LHPP: variants seen among roughly 807,000 people sequenced by gnomAD.
LHPP encodes hLHPP.
Under a neutral mutation model 30.3 loss-of-function variants are expected in LHPP, and 24 were observed. The ratio of observed to expected loss-of-function variants is 0.79; its 90% confidence interval spans 0.57 to 1.11. The LOEUF (loss-of-function observed/expected upper bound fraction) is 1.11, where lower values mean the gene tolerates loss of function less well. LHPP is among the 50% of genes most tolerant of loss of function. The pLI is 0.00. For missense variants in LHPP, 356 were observed against 367.2 expected, an observed-to-expected ratio of 0.97 and a Z score of 0.25; for synonymous variants, 150 against 157.1, an observed-to-expected ratio of 0.95 and a Z score of 0.34.
chr10:124,608,366 C>G (rs1417410373), intron 6 of LHPP, among the ~76,000 whole-genome samples: 6 of 152,156 alleles, frequency 3.9e-5, no homozygotes, highest in Non-Finnish European at 8.8e-5. Context: ...ACGGTGCATT[C>G]CCTGGACAGG....
chr10:124,580,712 TTTTTTTTTC>T (rs1330573424), intron 6 of LHPP, among the ~76,000 whole-genome samples: 10,716 of 79,418 alleles, frequency 0.13, 410 homozygotes, highest in South Asian at 0.3. Flanking sequence ...ACATTTTCTT[TTTTTTTTTC>T]TTTTTTTTTT....
At chr10:124,605,678 C>T (rs1949082565) in intron 6 of LHPP, among the ~76,000 whole-genome samples, 1 of 152,076 alleles carries the variant, frequency 6.6e-6, no homozygotes, top group South Asian at 2.1e-4. Flanking sequence ...GCAGGTGGGG[C>T]CCAGTCAGGA....
chr10:124,497,186 C>CG (rs534810297), intron 4 of LHPP, among the ~76,000 whole-genome samples, 162 bp downstream of exon 4: 101 of 150,826 alleles, frequency 6.7e-4, no homozygotes, highest in African/African-American at 2.4e-3. Flanking sequence ...GCCGGGCCCT[C>CG]GGGCCCTCAG....
chr10:124,485,027 G>A (rs1953278196), intron 2 of LHPP, among the ~76,000 whole-genome samples: 1 of 152,128 alleles, frequency 6.6e-6, no homozygotes, highest in Admixed American at 6.6e-5. Context: ...CTCTGCACTT[G>A]ATATTTTTAG....
At chr10:124,521,912 A>G (rs1954621132) in intron 6 of LHPP, among the ~76,000 whole-genome samples, 1 of 152,168 alleles carries the variant, frequency 6.6e-6, no homozygotes, top group Non-Finnish European at 1.5e-5. Context: ...AGCTGTCAGG[A>G]GTCTGAGAGG....
At chr10:124,582,026 C>A (rs1327829250) in intron 6 of LHPP, among the ~76,000 whole-genome samples, 1 of 152,124 alleles carries the variant, frequency 6.6e-6, no homozygotes, top group Non-Finnish European at 1.5e-5. Flanking sequence ...TCGTGATCCA[C>A]CCACCTTGGC....
At chr10:124,549,437 CAAA>C (rs771160755) in intron 6 of LHPP, among the ~76,000 whole-genome samples, 3 of 122,986 alleles carry the variant, frequency 2.4e-5, no homozygotes, top group Admixed American at 8.3e-5. Context: ...GACCCTGTCT[CAAA>C]AAAAAAAAAA....
chr10:124,478,324 A>G lies in LHPP; in HGVS notation c.126-5815A>G, dbSNP rs1022020248. On this transcript the variant is annotated intron_variant, in intron 1 of 6. Coordinates refer to ENST00000368842, the MANE Select transcript of LHPP (RefSeq NM_022126.4). This position sits in a 1 kb window ranked among gnomAD's most constrained non-coding sequence, Gnocchi z 4.7. Reference sequence around the variant, plus strand: ...CATGAAAGCAAAGACTCAGGGTGCTATGAGGGCCTCTGGGTCACACGAAGG... The same window carrying G: ...CATGAAAGCAAAGACTCAGGGTGCTGTGAGGGCCTCTGGGTCACACGAAGG... Among the ~76,000 whole-genome samples, 2 of 152,176 alleles carry G rather than the reference A, an allele frequency of 1.3e-5. No individual in the cohort carries two copies. The highest frequency in any genetic ancestry group is 2.9e-5 in the Non-Finnish European group (2 of 68,016).
intron 1 of LHPP, among the ~76,000 whole-genome samples, chr10:124,472,087 A>G (rs936644395): frequency 6.6e-6 from 1 of 151,952 alleles, no homozygotes; most frequent in Non-Finnish European, 1.5e-5. Flanking sequence ...CAAAGCGGGC[A>G]GATCACATAA....
chr10:124,547,027 A>G (rs1260443295), intron 6 of LHPP, among the ~76,000 whole-genome samples: 1 of 29,024 alleles, frequency 3.4e-5, no homozygotes, highest in Admixed American at 5.0e-4. Context: ...TTCTGCACAC[A>G]CACACGCACA....
intron 6 of LHPP, among the ~76,000 whole-genome samples, chr10:124,555,548 C>T (rs1247506978): frequency 6.6e-6 from 1 of 152,194 alleles, no homozygotes; most frequent in East Asian, 1.9e-4. Flanking sequence ...AAGGGTCCCC[C>T]AGCTGTGAGG....
At chr10:124,609,400 AC>A (rs983443598) in intron 6 of LHPP, among the ~76,000 whole-genome samples, 10 of 151,998 alleles carry the variant, frequency 6.6e-5, no homozygotes, top group Admixed American at 5.9e-4. Flanking sequence ...CTGCCACTAC[AC>A]CTGGCTGATT....
chr10:124,541,861 C>T lies in LHPP; in HGVS notation c.716+24590C>T, dbSNP rs1027722262. The stretch of plus-strand genomic sequence containing the variant: ...AGATGGGGTGACCTTTCCTTCACCC[C>T]TACTTCCCCACTGCAAGGGTGCTGC... On this transcript the variant is annotated intron_variant, in intron 6 of 6. Transcript: ENST00000368842. The surrounding 1 kb of genome is among the most constrained non-coding windows in gnomAD (Gnocchi z 4.2). Among the ~76,000 whole-genome samples the T allele has an allele frequency of 1.3e-5, 2 of 152,144 alleles. No individual in the cohort carries two copies. Among genetic ancestry groups the T allele is most frequent in the African/African-American group, 4.8e-5 (2 of 41,436 alleles).
intron 6 of LHPP, among the ~76,000 whole-genome samples, chr10:124,530,602 G>A (rs1449788828): frequency 6.6e-6 from 1 of 152,070 alleles, no homozygotes; most frequent in Non-Finnish European, 1.5e-5. Flanking sequence ...ACACATGTGG[G>A]CCTGCTCACA....
rs980187546 is a variant in LHPP at position 124,586,668 on chromosome 10, G to GACGACTTT, written c.717-26595_717-26588dup. Among the ~76,000 whole-genome samples the GACGACTTT allele has an allele frequency of 1.2e-4, 19 of 152,318 alleles. 1 individual carries two copies. Among genetic ancestry groups the GACGACTTT allele is most frequent in the African/African-American group, 4.3e-4 (18 of 41,572 alleles). On this transcript the variant is annotated intron_variant, in intron 6 of 6. Coordinates refer to ENST00000368842, the MANE Select transcript of LHPP (RefSeq NM_022126.4). ...TTGAAAGAAAGGTGGACCGAGAGGA[G>GACGACTTT]ACGACTTTCCAGGGCAGGAAGTGGC...
chr10:124,470,061 G>A (rs955459774), intron 1 of LHPP, among the ~76,000 whole-genome samples: 1 of 152,212 alleles, frequency 6.6e-6, no homozygotes, highest in Non-Finnish European at 1.5e-5. Context: ...TCACAGGCCG[G>A]AGGACATCTG....
intron 5 of LHPP, among the ~76,000 whole-genome samples, chr10:124,505,302 T>G (rs1481806880): frequency 2.0e-5 from 3 of 152,244 alleles, no homozygotes; most frequent in Non-Finnish European, 4.4e-5. Context: ...GCTTTTTTAT[T>G]TTTAATGAAA....
At position 124,559,869 on chromosome 10, in the gene LHPP, C is replaced by T. The variant is rs537115622; in HGVS notation, c.716+42598C>T. Among the ~76,000 whole-genome samples, 7 of 152,364 alleles carry T rather than the reference C, an allele frequency of 4.6e-5. No individual in the cohort carries two copies. The East Asian group carries it at 5.8e-4, about 13-fold the overall frequency. On this transcript the variant is annotated intron_variant, in intron 6 of 6. Transcript: ENST00000368842. ...TCAGTAGCCCATGGGCAGTAAGTTC[C>T]GTGGAATCAGGCACATTTTCAGCCA...
chr10:124,479,818 C>T (rs568695106), intron 1 of LHPP, among the ~76,000 whole-genome samples: 1 of 152,356 alleles, frequency 6.6e-6, no homozygotes, highest in East Asian at 1.9e-4. Context: ...ACAGGCCTTG[C>T]TGCTTACAAG....
Sources: gnomAD v4.1 joint callset for allele counts (sites outside exome capture counted in the v4.1 genomes callset) on GRCh38, gnomAD v4.1.1 for gene constraint, Gnocchi (gnomAD v3.1) non-coding constraint, MANE v1.5 for transcripts, NCBI Gene and HGNC (gene_info 2026-07-23, HGNC 2026-07-21) for gene names.